LPAR1: variants seen among roughly 807,000 people sequenced by gnomAD.
The protein encoded by LPAR1 is lysophosphatidic acid receptor 1.
In LPAR1, 5 loss-of-function variants were observed where a neutral mutation model predicts 23.8. The ratio of observed to expected loss-of-function variants is 0.21; its 90% CI spans 0.11 to 0.44. LPAR1 has a LOEUF of 0.44. LPAR1 is among the 20% of genes least tolerant of loss of function. The pLI is 0.99. For synonymous variants in LPAR1, 160 were observed against 164.7 expected (o/e 0.97, Z 0.22); for missense variants, 311 against 482.8 (o/e 0.64, Z 3.33).
At chr9:110,996,043 T>C (rs547227814) in intron 2 of LPAR1, among the ~76,000 whole-genome samples, 1 of 152,062 alleles carries the variant, frequency 6.6e-6, no homozygotes, top group African/African-American at 2.4e-5. Flanking sequence ...AGACATGACC[T>C]AAAAACCAAC....
intron 2 of LPAR1, among the ~76,000 whole-genome samples, chr9:111,018,808 T>A (rs1223255661): frequency 6.6e-6 from 1 of 152,214 alleles, no homozygotes; most frequent in African/African-American, 2.4e-5. Context: ...CTACGGAAAT[T>A]ACATAAAAGT....
At position 110,874,131 on chromosome 9, in the gene LPAR1, A is replaced by C. The variant is rs753958535; in HGVS notation, c.*1290T>G. The C allele has an allele frequency of 4.6e-5, 7 of 152,668 alleles. No homozygotes were observed. The highest frequency in any genetic ancestry group is 7.3e-5 in the Non-Finnish European group (5 of 68,044). The allele number at this position is 152,668 out of a possible 1,614,324, so 9.5% of individuals were successfully genotyped here. A position where few individuals can be genotyped will look rare whatever the true frequency, so the allele number is the denominator to read the frequency against. Reference sequence around the variant, plus strand: ...CATTTTTTTAAAAAAAGAATCCTTCATGGGAATATATCCTAATAATCAATT... The same window carrying C: ...CATTTTTTTAAAAAAAGAATCCTTCCTGGGAATATATCCTAATAATCAATT... On this transcript the variant is annotated 3_prime_UTR_variant, in exon 6 of 6. Transcript: ENST00000683809.
At chr9:110,974,630 T>C (rs775433793) in intron 2 of LPAR1, among the ~76,000 whole-genome samples, 3 of 152,212 alleles carry the variant, frequency 2.0e-5, no homozygotes, top group Non-Finnish European at 4.4e-5. Flanking sequence ...CATTCACAAA[T>C]AAGTAGTAAA....
intron 5 of LPAR1, among the ~76,000 whole-genome samples, chr9:110,935,206 G>A (rs973197254): frequency 7.2e-5 from 11 of 152,124 alleles, no homozygotes; most frequent in Admixed American, 6.5e-4. Context: ...GGATGGGACT[G>A]AACAAGGCAG....
chr9:110,970,243 C>T lies in LPAR1; in HGVS notation c.45+1830G>A, dbSNP rs572598955. ...GTGGAAATGCCCTGTCTAGAAAACC[C>T]GCACTAGCCTAACTCACTTCACGAA... On this transcript the variant is annotated intron_variant, in intron 4 of 5. Coordinates refer to ENST00000683809, the MANE Select transcript of LPAR1 (RefSeq NM_001351411.2). Among the ~76,000 whole-genome samples the T allele has an allele frequency of 2.8e-4, 42 of 152,264 alleles. No homozygotes were observed. The South Asian group carries it at 7.9e-3, about 29-fold the overall frequency.
intron 5 of LPAR1, among the ~76,000 whole-genome samples, chr9:110,926,835 G>C (rs536746147): frequency 4.6e-5 from 7 of 152,136 alleles, no homozygotes; most frequent in Non-Finnish European, 1.5e-5. Context: ...AGTGGAAAAG[G>C]TGAAAAGGGT....
At chr9:111,013,094 A>T (rs891132332) in intron 2 of LPAR1, among the ~76,000 whole-genome samples, 18 of 152,068 alleles carry the variant, frequency 1.2e-4, no homozygotes, top group Non-Finnish European at 4.4e-5. Context: ...ACATTCAAGG[A>T]TTTTTTTTAA....
At chr9:110,946,257 T>C (rs980248279) in intron 4 of LPAR1, among the ~76,000 whole-genome samples, 3 of 151,806 alleles carry the variant, frequency 2.0e-5, no homozygotes, top group Admixed American at 1.3e-4. Context: ...CCAAGAAAGA[T>C]TAGAAGGAAC....
intron 5 of LPAR1, among the ~76,000 whole-genome samples, chr9:110,931,294 T>C (rs1024605235): frequency 6.6e-6 from 1 of 152,232 alleles, no homozygotes; most frequent in African/African-American, 2.4e-5. Flanking sequence ...TCATATTATA[T>C]TGTGTTTATT....
chr9:110,908,135 T>C (rs1467387180), intron 5 of LPAR1, among the ~76,000 whole-genome samples: 1 of 151,906 alleles, frequency 6.6e-6, no homozygotes, highest in Non-Finnish European at 1.5e-5. Flanking sequence ...TTTTCCCTTA[T>C]GCATATTTTA....
At position 110,875,433 on chromosome 9, in the gene LPAR1, G is replaced by A; in HGVS notation, c.1083C>T (p.His361=). 1 of 1,611,870 alleles carries A rather than the reference G, an allele frequency of 6.2e-7. No homozygotes were observed. Among genetic ancestry groups the A allele is most frequent in the Non-Finnish European group, 8.5e-7 (1 of 1,178,246 alleles). ...TILAGVHSND[H]SVV ...CTCAGTTTCCGTTCTAAACCACAGA[G>A]TGGTCATTGCTGTGAACTCCAGCCA... is the stretch of plus-strand genomic sequence containing the variant. The change falls in exon 6 of 6, where the codon CAC becomes CAT. Residue 361 remains histidine, a synonymous_variant. Coordinates refer to ENST00000683809, the MANE Select transcript of LPAR1 (RefSeq NM_001351411.2).
rs375328278 is a variant in LPAR1, at chr9:111,013,343, T to C, written c.-182+22779A>G. On this transcript the variant is annotated intron_variant, in intron 2 of 5. Coordinates refer to ENST00000683809, the MANE Select transcript of LPAR1 (RefSeq NM_001351411.2). ...AAGAGGTTAAACACCAAACCCAAAA[T>C]GGTAAATGTAATAACCATGACCCTC... Among the ~76,000 whole-genome samples the C allele has an allele frequency of 3.9e-5, 6 of 152,288 alleles. No individual in the cohort carries two copies. In the South Asian group the frequency reaches 1.0e-3, roughly 26 times the overall value.
Position 110,875,461 on chromosome 9 carries a change from A to G in LPAR1, c.1055T>C (p.Ile352Thr), listed in dbSNP as rs147367410. The change falls in exon 6 of 6, where the codon ATC (isoleucine) becomes ACC (threonine). Residue 352 changes from isoleucine to threonine, a missense_variant. Around this residue, in one of 2 missense-constraint regions of LPAR1, gnomAD observed 250 missense variants for 427.2 expected, o/e 0.59. Coordinates refer to ENST00000683809, the MANE Select transcript of LPAR1 (RefSeq NM_001351411.2). Reference protein sequence around the residue: ...DRSASSLNHTILAGVHSNDHS... With the variant: ...DRSASSLNHTTLAGVHSNDHS... Reference sequence around the variant, plus strand: ...GTCATTGCTGTGAACTCCAGCCAAGATGGTGTGGTTGAGGGAGGAAGCCGA... The same window carrying G: ...GTCATTGCTGTGAACTCCAGCCAAGGTGGTGTGGTTGAGGGAGGAAGCCGA... 1,312 of 1,613,884 alleles carry G rather than the reference A, an allele frequency of 8.1e-4. 20 individuals carry two copies. In the East Asian group the frequency reaches 0.028, roughly 34 times the overall value.
chr9:110,943,643 T>C (rs914270261), intron 4 of LPAR1, among the ~76,000 whole-genome samples: 1 of 152,116 alleles, frequency 6.6e-6, no homozygotes, highest in Non-Finnish European at 1.5e-5. Context: ...GTGGATCACT[T>C]GAGGTCAGAA....
chr9:110,892,342 A>G (rs754093651), intron 5 of LPAR1, among the ~76,000 whole-genome samples: 1 of 152,170 alleles, frequency 6.6e-6, no homozygotes, highest in Non-Finnish European at 1.5e-5. Context: ...AACTATCTTT[A>G]GTTTCTTCTT....
intron 4 of LPAR1, among the ~76,000 whole-genome samples, chr9:110,968,884 A>G (rs569838169): frequency 2.0e-5 from 3 of 152,092 alleles, no homozygotes; most frequent in Non-Finnish European, 4.4e-5. Flanking sequence ...AAATAACCCT[A>G]TCAGGTTGGC....
rs148661247 is a variant in LPAR1, at chr9:110,895,495, G to A, written c.794-19773C>T. On this transcript the variant is annotated intron_variant, in intron 5 of 5. Coordinates refer to ENST00000683809, the MANE Select transcript of LPAR1 (RefSeq NM_001351411.2). The stretch of plus-strand genomic sequence containing the variant: ...AGATCTTCTTAGCCGGGAAACTAGG[G>A]GAGACCCACTTGTTTTTTAATGACA... 3.1e-4 allele frequency among the ~76,000 whole-genome samples: 47 copies of A among 152,328 alleles called. No individual in the cohort carries two copies. The East Asian group carries it at 8.3e-3, about 27-fold the overall frequency.
chr9:110,937,851 T>A (rs1318930045), intron 5 of LPAR1, among the ~76,000 whole-genome samples: 1 of 152,206 alleles, frequency 6.6e-6, no homozygotes, highest in East Asian at 1.9e-4. Flanking sequence ...AACTGAGTAA[T>A]CATTCCCAGA....
At chr9:110,916,749 C>A (rs1299543625) in intron 5 of LPAR1, among the ~76,000 whole-genome samples, 1 of 151,900 alleles carries the variant, frequency 6.6e-6, no homozygotes, top group African/African-American at 2.4e-5. Context: ...CCCAAACCAC[C>A]CCCTAAAAAA....
Sources: gnomAD v4.1 joint callset for allele counts (sites outside exome capture counted in the v4.1 genomes callset) on GRCh38, gnomAD v4.1.1 for gene constraint, gnomAD v4.1.1 regional missense constraint, MANE v1.5 for transcripts, NCBI Gene and HGNC (gene_info 2026-07-23, HGNC 2026-07-21) for gene names.